The following SLC2A5 variants were observed in gnomAD, a reference collection of about 807,000 sequenced individuals.
SLC2A5 encodes solute carrier family 2 member 5.
In SLC2A5, 56 loss-of-function variants were observed where a neutral mutation model predicts 50.3. That is an observed-to-expected ratio of 1.11 (90% CI 0.90 to 1.39). The LOEUF (loss-of-function observed/expected upper bound fraction) is 1.39. Ranked by LOEUF, SLC2A5 falls within the 40% of genes most tolerant of loss-of-function variation. The pLI is 0.00. For synonymous variants in SLC2A5, 269 were observed against 281.9 expected (o/e 0.95, Z 0.46); for missense variants, 566 against 650.1 (o/e 0.87, Z 1.41).
Position 9,069,544 on chromosome 1 carries a change from C to T in SLC2A5, c.-8G>A. 6.2e-7 allele frequency: 1 copy of T among 1,614,080 alleles called. No homozygotes were observed. Among genetic ancestry groups the T allele is most frequent in the Non-Finnish European group, 8.5e-7 (1 of 1,180,008 alleles). On this transcript the variant is annotated 5_prime_UTR_variant, in exon 1 of 12. Transcript: ENST00000377424. ...CTGATCCTGTTGCTCCATGCTTGCT[C>T]TGGAAGGGCAGAGTGCCGCTCACCT...
At position 9,038,038 on chromosome 1, in the gene SLC2A5, A is replaced by G. The variant is rs781406444; in HGVS notation, c.1175-14T>C. The G allele has an allele frequency of 4.3e-6, 7 of 1,613,120 alleles. No homozygotes were observed. In the South Asian group the frequency reaches 7.7e-5, roughly 18 times the overall value. On this transcript the variant is annotated splice_polypyrimidine_tract_variant and intron_variant, in intron 10 of 11. Transcript: ENST00000377424. ...CGGGTATGGGACCTGTAGGGGGAGG[A>G]GAGCAGCCTCCCTGAAGGCAGAGCG... is the stretch of plus-strand genomic sequence containing the variant.
At chr1:9,083,915 C>T (rs989685737) in intron 2 of SLC2A5, among the ~76,000 whole-genome samples, 9 of 152,026 alleles carry the variant, frequency 5.9e-5, no homozygotes, top group Non-Finnish European at 8.8e-5. Flanking sequence ...GAGGCCGAGG[C>T]GGGCGGATCA....
chr1:9,054,022 G>A (rs1011699310), intron 3 of SLC2A5, among the ~76,000 whole-genome samples: 10 of 152,064 alleles, frequency 6.6e-5, no homozygotes, highest in Non-Finnish European at 1.5e-4. Context: ...AAACGTAGCA[G>A]GTTTATTACA....
intron 1 of SLC2A5, among the ~76,000 whole-genome samples, chr1:9,059,985 TACACACACACAC>T (rs35876125): frequency 4.2e-5 from 6 of 141,534 alleles, no homozygotes; most frequent in Admixed American, 7.0e-5. Context: ...AAAAACATAC[TACACACACACAC>T]ACACACACAC....
chr1:9,056,333 C>G (rs372988877), intron 3 of SLC2A5, among the ~76,000 whole-genome samples: 6 of 152,076 alleles, frequency 3.9e-5, no homozygotes, highest in Admixed American at 3.9e-4. Context: ...TACAGGCACC[C>G]ACCACCATGC....
chr1:9,054,974 C>T (rs770785945), intron 3 of SLC2A5, among the ~76,000 whole-genome samples: 32 of 151,988 alleles, frequency 2.1e-4, no homozygotes, highest in Non-Finnish European at 2.8e-4. Context: ...AGTTGAGAAG[C>T]AAAATCTATA....
chr1:9,057,648 T>C (rs1641795926), intron 2 of SLC2A5, 40 bp from the exon 3 acceptor site: 1 of 1,591,498 alleles, frequency 6.3e-7, no homozygotes, highest in East Asian at 2.2e-5. Flanking sequence ...AATAATTTGA[T>C]CCGGTTTTGC....
At chr1:9,072,751 A>G (rs1348778303), upstream of SLC2A5, among the ~76,000 whole-genome samples, 1 of 150,622 alleles carries the variant, frequency 6.6e-6, no homozygotes, top group Non-Finnish European at 1.5e-5. Context: ...GAAGTTCGAG[A>G]CCAGCCTGGC....
chr1:9,075,087 G>A (rs908489265), intron 2 of SLC2A5, among the ~76,000 whole-genome samples: 1 of 151,942 alleles, frequency 6.6e-6, no homozygotes, highest in African/African-American at 2.4e-5. Context: ...TTAGGGAAAA[G>A]GAGTCAGGTT....
chr1:9,060,665 ACCC>A (rs1641917087), intron 1 of SLC2A5, among the ~76,000 whole-genome samples: 1 of 79,446 alleles, frequency 1.3e-5, no homozygotes. Context: ...ACACACACAC[ACCC>A]CACACACACA....
chr1:9,058,089 C>T, intron 2 of SLC2A5, 63 bp downstream of exon 2: 1 of 1,266,012 alleles, frequency 7.9e-7, no homozygotes. Context: ...GCTGGCCAGT[C>T]CCACCCAGGC....
intron 10 of SLC2A5, 41 bp downstream of exon 10, chr1:9,038,389 AG>A (rs528974927): frequency 4.8e-5 from 66 of 1,386,670 alleles, no homozygotes; most frequent in East Asian, 1.0e-4. Context: ...TTCTGGGACC[AG>A]GGGGGGTTGT....
chr1:9,042,002 A>C, intron 4 of SLC2A5, 65 bp from the exon 5 acceptor site: 1 of 1,484,076 alleles, frequency 6.7e-7, no homozygotes, highest in South Asian at 1.4e-5. Context: ...AGCTGTCTTC[A>C]AGTATACTAT....
At chr1:9,079,930 T>A (rs1000299379) in intron 2 of SLC2A5, among the ~76,000 whole-genome samples, 3 of 152,260 alleles carry the variant, frequency 2.0e-5, no homozygotes, top group Admixed American at 6.5e-5. Context: ...CTTGCAAAAC[T>A]GAAACTCCGT....
At chr1:9,084,800 A>G (rs1005857347) in intron 2 of SLC2A5, among the ~76,000 whole-genome samples, 9 of 152,228 alleles carry the variant, frequency 5.9e-5, no homozygotes, top group African/African-American at 2.2e-4. Flanking sequence ...TCTGGAAACC[A>G]GCAACAGCCC....
At chr1:9,056,027 T>G (rs1641741167) in intron 3 of SLC2A5, among the ~76,000 whole-genome samples, 1 of 152,194 alleles carries the variant, frequency 6.6e-6, no homozygotes, top group Non-Finnish European at 1.5e-5. Context: ...TTCAGCTCCA[T>G]CTGTGGGCCA....
intron 4 of SLC2A5, 83 bp downstream of exon 4, chr1:9,047,527 A>G: frequency 7.0e-7 from 1 of 1,432,336 alleles, no homozygotes; most frequent in Admixed American, 1.9e-5. Context: ...CAGACATCAC[A>G]GATTGGTTCT....
chr1:9,074,178 G>A (rs148010218), upstream of SLC2A5, among the ~76,000 whole-genome samples: 120 of 152,240 alleles, frequency 7.9e-4, 2 homozygotes, highest in South Asian at 6.4e-3. Context: ...GTGGTGGAGC[G>A]GAGGGGGGCA....
At chr1:9,037,870 T>C in intron 11 of SLC2A5, 27 bp downstream of exon 11, 1 of 1,613,578 alleles carries the variant, frequency 6.2e-7, no homozygotes, top group Non-Finnish European at 8.5e-7. Flanking sequence ...GATCTGGTGG[T>C]GAGCGTGGGC....
Sources: allele counts gnomAD v4.1 joint callset (sites outside exome capture counted in the v4.1 genomes callset), GRCh38; gene constraint gnomAD v4.1.1; transcripts MANE v1.5; gene names NCBI Gene and HGNC (gene_info 2026-07-23, HGNC 2026-07-21).